The following SHISA6 variants were observed in gnomAD, a reference collection of about 807,000 sequenced individuals.
SHISA6 encodes shisa family member 6, also known as protein shisa-6.
Under a neutral mutation model 47.9 loss-of-function variants are expected in SHISA6, and 22 were observed. The ratio of observed to expected loss-of-function variants is 0.46; its 90% CI spans 0.33 to 0.66. SHISA6 has a LOEUF of 0.66. Among genes scored for constraint, SHISA6 ranks in the 30% least tolerant of loss-of-function variants. The pLI, the probability that SHISA6 is intolerant of heterozygous loss-of-function variation, is 0.02. For missense variants in SHISA6, 680 were observed against 764.6 expected (o/e 0.89, Z 1.30); for synonymous variants, 388 against 337.8 (o/e 1.15, Z -1.63).
intron 2 of SHISA6, among the ~76,000 whole-genome samples, chr17:11,274,544 C>A (rs1908806209): frequency 6.6e-6 from 1 of 151,552 alleles, no homozygotes; most frequent in South Asian, 2.1e-4. Flanking sequence ...GAGGGAGAGC[C>A]CAGCCTCCAT....
At chr17:11,358,770 C>T (rs957376994) in intron 2 of SHISA6, among the ~76,000 whole-genome samples, 7 of 151,670 alleles carry the variant, frequency 4.6e-5, no homozygotes, top group Non-Finnish European at 1.0e-4. Flanking sequence ...TTCTCGGGCC[C>T]AGGTGATTCT....
chr17:11,548,936 T>G (rs2071905981), intron 3 of SHISA6, among the ~76,000 whole-genome samples: 1 of 152,224 alleles, frequency 6.6e-6, no homozygotes, highest in African/African-American at 2.4e-5. Context: ...GCATGATTAC[T>G]TATGCAAAAA....
At chr17:11,254,855 G>A (rs900233072) in intron 1 of SHISA6, among the ~76,000 whole-genome samples, 2 of 152,218 alleles carry the variant, frequency 1.3e-5, no homozygotes, top group African/African-American at 4.8e-5. Context: ...CTGTCCTCAT[G>A]GGACGTGGGT....
chr17:11,301,108 C>T (rs1368162906), intron 2 of SHISA6, among the ~76,000 whole-genome samples: 1 of 152,144 alleles, frequency 6.6e-6, no homozygotes, highest in East Asian at 1.9e-4. Flanking sequence ...CCACGTCTAG[C>T]TGTCAGAGCC....
chr17:11,395,848 A>G (rs1487779492), intron 3 of SHISA6, among the ~76,000 whole-genome samples: 2 of 152,056 alleles, frequency 1.3e-5, no homozygotes, highest in Non-Finnish European at 2.9e-5. Flanking sequence ...ATGCTTCTCT[A>G]TTGTCTGATT....
At chr17:11,428,733 T>C (rs1914665968) in intron 3 of SHISA6, among the ~76,000 whole-genome samples, 1 of 151,248 alleles carries the variant, frequency 6.6e-6, no homozygotes, top group Admixed American at 6.6e-5. Context: ...ACACAGTTGC[T>C]GGGGCTACAG....
At chr17:11,268,391 C>T (rs1908509687) in intron 2 of SHISA6, among the ~76,000 whole-genome samples, 1 of 152,150 alleles carries the variant, frequency 6.6e-6, no homozygotes, top group African/African-American at 2.4e-5. Flanking sequence ...GCCTCTCTGA[C>T]CTCAACCCCT....
rs73975347 is a variant in SHISA6 at position 11,370,286 on chromosome 17, C to T, written c.800-9128C>T. On this transcript the variant is annotated intron_variant, in intron 2 of 5. Transcript: ENST00000441885. ...TTAAGATAATATCTTACCTGAAAGC[C>T]TATATAATATACAGGAGACCCCATA... Among the ~76,000 whole-genome samples the T allele has an allele frequency of 8.3e-3, 1,261 of 152,234 alleles. 18 individuals carry two copies. Among genetic ancestry groups the T allele is most frequent in the African/African-American group, 0.029 (1,193 of 41,530 alleles).
At chr17:11,420,803 T>G (rs777893416) in intron 3 of SHISA6, among the ~76,000 whole-genome samples, 30 of 152,188 alleles carry the variant, frequency 2.0e-4, no homozygotes, top group Non-Finnish European at 2.5e-4. Context: ...GGGGAACCAG[T>G]CAATTGGCTA....
chr17:11,555,807 G>T lies in SHISA6; in HGVS notation c.1020G>T (p.Ser340=). The T allele has an allele frequency of 1.9e-6, 3 of 1,551,066 alleles. No homozygotes were observed. The highest frequency in any genetic ancestry group is 1.4e-5 in the African/African-American group (1 of 72,936). Residue 340 remains serine, a synonymous_variant, in exon 5 of 6, where the codon TCG becomes TCT. Transcript: ENST00000441885. ...TEPYDLSFSR[S]FQNLAHLPPS... is the part of the protein sequence containing the mutation. Reference sequence around the variant, plus strand: ...CCTATGACCTCTCCTTCTCCCGCTCGTTCCAGAACTTGGCCCACCTGCCCC... The same window carrying T: ...CCTATGACCTCTCCTTCTCCCGCTCTTTCCAGAACTTGGCCCACCTGCCCC...
At chr17:11,385,988 AG>A (rs1231214990) in intron 3 of SHISA6, among the ~76,000 whole-genome samples, 2 of 146,714 alleles carry the variant, frequency 1.4e-5, no homozygotes, top group East Asian at 4.2e-4. Context: ...TGGGGGTGGG[AG>A]GGGGGAACAT....
chr17:11,292,681 G>A (rs1331670148), intron 2 of SHISA6, among the ~76,000 whole-genome samples: 1 of 151,906 alleles, frequency 6.6e-6, no homozygotes, highest in Non-Finnish European at 1.5e-5. Flanking sequence ...GGAGACCAGT[G>A]GTGGCGGGCA....
chr17:11,289,189 ATTAC>A (rs1909432107), intron 2 of SHISA6: 1 of 152,156 alleles, frequency 6.6e-6, no homozygotes, highest in South Asian at 2.1e-4. Context: ...TATTTAAATA[ATTAC>A]TTATATTTTT....
chr17:11,452,210 G>A (rs952385419), intron 3 of SHISA6, among the ~76,000 whole-genome samples: 1 of 152,166 alleles, frequency 6.6e-6, no homozygotes, highest in Non-Finnish European at 1.5e-5. Context: ...TGGGGATATC[G>A]GTGCATAGCA....
intron 3 of SHISA6, among the ~76,000 whole-genome samples, chr17:11,387,705 GA>G (rs1446418776): frequency 6.6e-6 from 1 of 152,142 alleles, no homozygotes; most frequent in African/African-American, 2.4e-5. Flanking sequence ...GTGACTTTGG[GA>G]AATAACAATG....
intron 2 of SHISA6, among the ~76,000 whole-genome samples, chr17:11,301,295 T>C (rs190474125): frequency 6.6e-6 from 1 of 152,146 alleles, no homozygotes; most frequent in African/African-American, 2.4e-5. Flanking sequence ...CCCAGGACCA[T>C]TAATTACACA....
rs2072054187 is a variant in SHISA6, at chr17:11,562,527, G to A, written c.*4223G>A. The A allele has an allele frequency of 6.6e-6, 1 of 152,064 alleles. No individual in the cohort carries two copies. The highest frequency in any genetic ancestry group is 2.4e-5 in the African/African-American group (1 of 41,386). The allele number at this position is 152,064 out of a possible 1,614,324, so 9.4% of individuals were successfully genotyped here. On this transcript the variant is annotated 3_prime_UTR_variant, in exon 6 of 6. Coordinates refer to ENST00000441885, the MANE Select transcript of SHISA6 (RefSeq NM_207386.4). ...ATTTTAATGGCAGATTCAATATGAA[G>A]GACATGTCTTCCTGGGCTCTATATT...
chr17:11,561,872 G>A lies in SHISA6; in HGVS notation c.*3568G>A, dbSNP rs2072046957. On this transcript the variant is annotated 3_prime_UTR_variant, in exon 6 of 6. Transcript: ENST00000441885. ...GGTGTATCCTTCATCTCCTGCCCCT[G>A]TGAGTTGATACCCCAGTGCACGGAG... The A allele has an allele frequency of 6.6e-6, 1 of 152,172 alleles. No individual in the cohort carries two copies. The highest frequency in any genetic ancestry group is 2.4e-5 in the African/African-American group (1 of 41,416). The allele number at this position is 152,172 out of a possible 1,614,324, so 9.4% of individuals were successfully genotyped here. A position where few individuals can be genotyped will look rare whatever the true frequency, so the allele number is the denominator to read the frequency against.
chr17:11,463,846 T>A (rs184942766), intron 3 of SHISA6, among the ~76,000 whole-genome samples: 25 of 152,368 alleles, frequency 1.6e-4, no homozygotes, highest in Admixed American at 1.5e-3. Flanking sequence ...TTATACATTT[T>A]GTAAATACAT....
Sources: allele counts gnomAD v4.1 joint callset (sites outside exome capture counted in the v4.1 genomes callset), GRCh38; gene constraint gnomAD v4.1.1; transcripts MANE v1.5; gene names NCBI Gene and HGNC (gene_info 2026-07-23, HGNC 2026-07-21).